Variants in MED27 observed in about 807,000 individuals in gnomAD.
MED27 encodes mediator complex subunit 27.
A neutral mutation model predicts 38.2 loss-of-function variants in MED27; 30 were observed. The ratio of observed to expected loss-of-function variants is 0.79; its 90% CI spans 0.59 to 1.07. The LOEUF is 1.07. Ranked by LOEUF, MED27 falls within the 50% of genes least tolerant of loss-of-function variation. The pLI is 0.00. For missense variants in MED27, 289 were observed against 397.5 expected (o/e 0.73, Z 2.32); for synonymous variants, 122 against 153.5 (o/e 0.79, Z 1.52).
chr9:131,999,242 TGAG>T (rs1449621548), intron 3 of MED27, among the ~76,000 whole-genome samples: 1 of 151,920 alleles, frequency 6.6e-6, no homozygotes, highest in Non-Finnish European at 1.5e-5. Context: ...AGTTGGAAGG[TGAG>T]GAGAAGTTTC....
chr9:131,964,657 T>C (rs1425465724), intron 3 of MED27, among the ~76,000 whole-genome samples: 1 of 152,164 alleles, frequency 6.6e-6, no homozygotes, highest in Admixed American at 6.5e-5. Context: ...CTAACCCCCA[T>C]CCTAAATTCT....
chr9:132,033,033 T>C (rs1210626426), intron 2 of MED27, among the ~76,000 whole-genome samples: 1 of 152,166 alleles, frequency 6.6e-6, no homozygotes, highest in Non-Finnish European at 1.5e-5. Context: ...AAGTAAAATA[T>C]CACTCAAATA....
At chr9:132,028,124 T>C (rs1414785493) in intron 2 of MED27, among the ~76,000 whole-genome samples, 1 of 152,208 alleles carries the variant, frequency 6.6e-6, no homozygotes, top group Non-Finnish European at 1.5e-5. Context: ...TTTCTGTTCC[T>C]GTTTTGAGGC....
At chr9:131,955,233 T>C (rs994578543) in intron 3 of MED27, among the ~76,000 whole-genome samples, 16 of 152,208 alleles carry the variant, frequency 1.1e-4, no homozygotes, top group African/African-American at 3.1e-4. Flanking sequence ...TTGGGCTGAA[T>C]GATAAAAATA....
chr9:131,969,182 C>T (rs976382500), intron 3 of MED27, among the ~76,000 whole-genome samples: 1 of 136,592 alleles, frequency 7.3e-6, no homozygotes, highest in African/African-American at 2.7e-5. Flanking sequence ...GCTCCTGCCC[C>T]CCACACCTTC....
At chr9:131,949,410 G>C (rs1330377890) in intron 3 of MED27, among the ~76,000 whole-genome samples, 3 of 152,120 alleles carry the variant, frequency 2.0e-5, no homozygotes, top group Admixed American at 1.3e-4. Flanking sequence ...GAAGTAAGCA[G>C]GGCAAGCAGA....
At chr9:131,871,220 T>G (rs1433151715) in intron 6 of MED27, among the ~76,000 whole-genome samples, 1 of 152,082 alleles carries the variant, frequency 6.6e-6, no homozygotes, top group African/African-American at 2.4e-5. Flanking sequence ...ACCCACACGC[T>G]TTTTCCTACT....
intron 3 of MED27, among the ~76,000 whole-genome samples, chr9:131,952,186 G>A (rs1175601608): frequency 2.6e-5 from 4 of 152,220 alleles, no homozygotes; most frequent in South Asian, 2.1e-4. Context: ...GGCACTGGCC[G>A]GAGACTCAGA....
chr9:131,893,614 A>T (rs1839264239), intron 5 of MED27, among the ~76,000 whole-genome samples: 1 of 152,212 alleles, frequency 6.6e-6, no homozygotes, highest in African/African-American at 2.4e-5. Context: ...CAGAAGACAC[A>T]TTTAATGAGG....
At chr9:131,904,335 A>G (rs1027061040) in intron 4 of MED27, among the ~76,000 whole-genome samples, 3 of 150,186 alleles carry the variant, frequency 2.0e-5, no homozygotes, top group African/African-American at 7.4e-5. Flanking sequence ...CACTGCGGCC[A>G]GTCTGTTATC....
rs1839082746 is a variant in MED27, at chr9:131,883,401, G to A, written c.723+657C>T. ...CAGGGCCTGAGTTAGTCCAGGGAAG[G>A]GGCCCTGCACTGTCAGGAGCTGGGG... On this transcript the variant is annotated intron_variant, in intron 6 of 7. Transcript: ENST00000292035. The surrounding 1 kb of genome is among the most constrained non-coding windows in gnomAD (Gnocchi z 4.2). 1.3e-5 allele frequency among the ~76,000 whole-genome samples: 2 copies of A among 152,198 alleles called. No homozygotes were observed. The highest frequency in any genetic ancestry group is 2.9e-5 in the Non-Finnish European group (2 of 68,032).
At chr9:132,028,890 A>T (rs978417242) in intron 2 of MED27, among the ~76,000 whole-genome samples, 1 of 152,168 alleles carries the variant, frequency 6.6e-6, no homozygotes, top group Admixed American at 6.5e-5. Flanking sequence ...CAGCTCCAAG[A>T]CGCGCTAAAA....
intron 4 of MED27, among the ~76,000 whole-genome samples, chr9:131,910,141 A>T (rs1830160832): frequency 1.3e-5 from 2 of 152,352 alleles, no homozygotes; most frequent in South Asian, 4.1e-4. Flanking sequence ...TCCTACAAGC[A>T]TTATTCAACC....
At chr9:131,973,937 T>A (rs980627898) in intron 3 of MED27, among the ~76,000 whole-genome samples, 1 of 151,824 alleles carries the variant, frequency 6.6e-6, no homozygotes, top group Non-Finnish European at 1.5e-5. Context: ...ATGGTCTTGA[T>A]CTCCTGACCT....
At chr9:131,901,009 G>A (rs1379211901) in intron 4 of MED27, among the ~76,000 whole-genome samples, 1 of 144,780 alleles carries the variant, frequency 6.9e-6, no homozygotes, top group African/African-American at 2.6e-5. Flanking sequence ...AGGAGGAGAG[G>A]GGAGACACAA....
At chr9:131,980,214 G>C (rs1169346064) in intron 3 of MED27, among the ~76,000 whole-genome samples, 3 of 151,622 alleles carry the variant, frequency 2.0e-5, no homozygotes, top group African/African-American at 4.8e-5. Flanking sequence ...GGGTGGCGGG[G>C]GGGAGAGGGA....
intron 2 of MED27, among the ~76,000 whole-genome samples, chr9:132,050,181 G>A (rs187985228): frequency 1.3e-3 from 195 of 152,310 alleles, no homozygotes; most frequent in African/African-American, 4.4e-3. Context: ...CAGTAAGCAG[G>A]CCTTTAAGGA....
At chr9:131,880,816 C>G (rs1162220547) in intron 6 of MED27, among the ~76,000 whole-genome samples, 2 of 152,068 alleles carry the variant, frequency 1.3e-5, no homozygotes, top group Admixed American at 1.3e-4. Flanking sequence ...CTTTCTAAAT[C>G]TATGCTTCAC....
intron 2 of MED27, among the ~76,000 whole-genome samples, chr9:132,062,296 G>A (rs1205339333): frequency 6.6e-6 from 1 of 152,260 alleles, no homozygotes; most frequent in Non-Finnish European, 1.5e-5. Flanking sequence ...ATCAGGCCAT[G>A]ATGTGGGCAA....
Sources: allele counts gnomAD v4.1 joint callset (sites outside exome capture counted in the v4.1 genomes callset), GRCh38; gene constraint gnomAD v4.1.1; non-coding constraint Gnocchi (gnomAD v3.1); transcripts MANE v1.5; gene names NCBI Gene and HGNC (gene_info 2026-07-23, HGNC 2026-07-21).